The following TENM3 variants were observed in gnomAD, a reference collection of about 807,000 sequenced individuals.
The protein encoded by TENM3 is teneurin transmembrane protein 3.
Under a neutral mutation model 255.1 loss-of-function variants are expected in TENM3, and 63 were observed. That is an observed-to-expected ratio of 0.25 (90% confidence interval 0.20 to 0.30). The LOEUF is 0.30. TENM3 is among the 10% of genes least tolerant of loss of function. TENM3 has a pLI of 1.00. For missense variants in TENM3, 2,929 were observed against 3,461.1 expected (o/e 0.85, Z 3.86); for synonymous variants, 1,306 against 1,322.3 (o/e 0.99, Z 0.27).
chr4:181,754,416 A>G, the TENM3 span, among the ~76,000 whole-genome samples: 849 of 152,198 alleles, frequency 5.6e-3, 5 homozygotes, highest in Non-Finnish European at 9.0e-3. Flanking sequence ...GGAAAATACA[A>G]ACACTATGCT....
At chr4:182,167,660 C>A (rs1318606954) in intron 1 of TENM3, among the ~76,000 whole-genome samples, 1 of 152,044 alleles carries the variant, frequency 6.6e-6, no homozygotes, top group Non-Finnish European at 1.5e-5. Context: ...ATTGCTAGAG[C>A]CCAGAAATTT....
At chr4:181,888,516 G>GTGTATA in the TENM3 span, among the ~76,000 whole-genome samples, 1 of 41,510 alleles carries the variant, frequency 2.4e-5, no homozygotes, top group African/African-American at 9.2e-5. Context: ...ATATATATAT[G>GTGTATA]TATATATATA....
chr4:181,563,049 C>T, the TENM3 span, among the ~76,000 whole-genome samples: 2 of 152,166 alleles, frequency 1.3e-5, no homozygotes, highest in Admixed American at 1.3e-4. Flanking sequence ...ATCATATGAC[C>T]GCAACTAGCT....
At chr4:181,650,167 T>C in the TENM3 span, among the ~76,000 whole-genome samples, 1 of 152,216 alleles carries the variant, frequency 6.6e-6, no homozygotes, top group Non-Finnish European at 1.5e-5. Flanking sequence ...CTGGCTGTTC[T>C]TAAATTCCCA....
At chr4:182,010,470 A>G in the TENM3 span, among the ~76,000 whole-genome samples, 1 of 151,684 alleles carries the variant, frequency 6.6e-6, no homozygotes, top group African/African-American at 2.4e-5. Context: ...TCCAATATAT[A>G]CAGAAATTTG....
At chr4:182,750,129 C>T (rs1762272860) in intron 19 of TENM3, among the ~76,000 whole-genome samples, 1 of 152,168 alleles carries the variant, frequency 6.6e-6, no homozygotes, top group Non-Finnish European at 1.5e-5. Flanking sequence ...AAAATGATAT[C>T]ATAACACTTA....
the TENM3 span, among the ~76,000 whole-genome samples, chr4:181,702,294 C>G: frequency 6.6e-6 from 1 of 152,156 alleles, no homozygotes; most frequent in East Asian, 1.9e-4. Flanking sequence ...CAACTGCTTT[C>G]TTTGCTATTA....
rs576054735 is a variant in TENM3 at position 182,425,722 on chromosome 4, A to G, written c.511+78793A>G. Among the ~76,000 whole-genome samples the G allele has an allele frequency of 3.3e-5, 5 of 152,308 alleles. No homozygotes were observed. The East Asian group carries it at 9.7e-4, about 29-fold the overall frequency. On this transcript the variant is annotated intron_variant, in intron 3 of 27. Coordinates refer to ENST00000511685, the MANE Select transcript of TENM3 (RefSeq NM_001080477.4). ...ACCAAAACTTCAATTAAAAACACTC[A>G]AAGTGGGCTGGGCATGATGGCTCCC...
chr4:181,628,099 A>G, the TENM3 span, among the ~76,000 whole-genome samples: 2,940 of 152,142 alleles, frequency 0.019, 49 homozygotes, highest in Middle Eastern at 0.061. Context: ...GATGATGAGC[A>G]TTTTTTCATG....
chr4:182,370,035 C>T (rs931947049), intron 3 of TENM3, among the ~76,000 whole-genome samples: 1 of 152,158 alleles, frequency 6.6e-6, no homozygotes, highest in African/African-American at 2.4e-5. Context: ...TGAGTTTCTT[C>T]AAATTCTGCC....
chr4:181,742,090 C>T, the TENM3 span, among the ~76,000 whole-genome samples: 2 of 152,106 alleles, frequency 1.3e-5, no homozygotes, highest in Non-Finnish European at 2.9e-5. Context: ...CAATTCCTTA[C>T]TCCACTACTG....
intron 3 of TENM3, among the ~76,000 whole-genome samples, chr4:182,473,019 A>G (rs1055492897): frequency 6.6e-6 from 1 of 152,202 alleles, no homozygotes; most frequent in African/African-American, 2.4e-5. Context: ...TGCTCTTCCA[A>G]TCGGATGCTC....
At chr4:182,187,055 C>T (rs1048288933) in intron 1 of TENM3, among the ~76,000 whole-genome samples, 14 of 150,468 alleles carry the variant, frequency 9.3e-5, no homozygotes, top group Non-Finnish European at 1.0e-4. Flanking sequence ...ACTTTTCTTC[C>T]CTATTCTTTA....
intron 1 of TENM3, among the ~76,000 whole-genome samples, chr4:182,319,551 A>G (rs1260684275): frequency 6.6e-6 from 1 of 152,210 alleles, no homozygotes; most frequent in Non-Finnish European, 1.5e-5. Context: ...GTATTGTGGC[A>G]CTGGAGAATT....
At chr4:181,464,520 C>T in the TENM3 span, among the ~76,000 whole-genome samples, 1 of 152,164 alleles carries the variant, frequency 6.6e-6, no homozygotes, top group African/African-American at 2.4e-5. Context: ...TTTTTGGTTG[C>T]AAGAGTTCTT....
At chr4:181,598,775 A>G in the TENM3 span, among the ~76,000 whole-genome samples, 1 of 152,160 alleles carries the variant, frequency 6.6e-6, no homozygotes. Context: ...TGAAAATATG[A>G]GTATGAAGAG....
At chr4:182,165,448 G>T (rs939270224) in intron 1 of TENM3, among the ~76,000 whole-genome samples, 8 of 152,148 alleles carry the variant, frequency 5.3e-5, no homozygotes, top group African/African-American at 1.7e-4. Context: ...CTGCCTCTAT[G>T]GTTTAACATC....
the TENM3 span, among the ~76,000 whole-genome samples, chr4:181,542,317 T>A: frequency 6.6e-6 from 1 of 152,128 alleles, no homozygotes; most frequent in Non-Finnish European, 1.5e-5. Flanking sequence ...CTGAGGCAAG[T>A]TTGCAGAAAC....
intron 1 of TENM3, among the ~76,000 whole-genome samples, chr4:182,319,186 T>C (rs1762907169): frequency 6.6e-6 from 1 of 152,268 alleles, no homozygotes; most frequent in Non-Finnish European, 1.5e-5. Flanking sequence ...ATTCATTAAA[T>C]GCTGTTTGCT....
Sources: allele counts gnomAD v4.1 joint callset (sites outside exome capture counted in the v4.1 genomes callset), GRCh38; gene constraint gnomAD v4.1.1; transcripts MANE v1.5; gene names NCBI Gene and HGNC (gene_info 2026-07-23, HGNC 2026-07-21).